DTWD2: variants seen among roughly 807,000 people sequenced by gnomAD.
The protein encoded by DTWD2 is tRNA-uridine aminocarboxypropyltransferase 2.
A neutral mutation model predicts 31.8 loss-of-function variants in DTWD2; 39 were observed. The observed-to-expected ratio is 1.22, with a 90% CI of 0.95 to 1.60. DTWD2 has a LOEUF of 1.60. DTWD2 is among the 40% of genes most tolerant of loss of function. The pLI, the probability that DTWD2 is intolerant of heterozygous loss-of-function variation, is 0.00. For missense variants in DTWD2, 515 were observed against 381.5 expected, an observed-to-expected ratio of 1.35 and a Z score of -2.92; for synonymous variants, 180 against 142.8, an observed-to-expected ratio of 1.26 and a Z score of -1.86.
chr5:118,901,185 AT>A (rs1351745008), intron 4 of DTWD2, among the ~76,000 whole-genome samples: 1 of 152,020 alleles, frequency 6.6e-6, no homozygotes, highest in Admixed American at 6.6e-5. Context: ...TTTTACCTGT[AT>A]TTTTTGGTAG....
chr5:118,852,553 A>C (rs1485645888), intron 4 of DTWD2, among the ~76,000 whole-genome samples: 1 of 152,200 alleles, frequency 6.6e-6, no homozygotes, highest in Non-Finnish European at 1.5e-5. Flanking sequence ...TATTATTAAA[A>C]AGTCAAAAAA....
At chr5:118,890,851 G>A (rs910251209) in intron 4 of DTWD2, among the ~76,000 whole-genome samples, 1 of 152,124 alleles carries the variant, frequency 6.6e-6, no homozygotes, top group Non-Finnish European at 1.5e-5. Flanking sequence ...TTACAGGCGT[G>A]GGCCACTGAA....
intron 4 of DTWD2, among the ~76,000 whole-genome samples, chr5:118,905,938 T>A (rs1345844028): frequency 1.3e-5 from 2 of 151,942 alleles, no homozygotes; most frequent in African/African-American, 4.8e-5. Flanking sequence ...GAAGACAGAC[T>A]AGGAGAAAAC....
chr5:118,838,641 A>C lies in DTWD2; in HGVS notation c.*2276T>G, dbSNP rs1194287318. ...TCACCTTGTTAAGAGGTCAGGAAAA[A>C]ATAAGTAAAAAACAAGTACAGTGAG... On this transcript the variant is annotated 3_prime_UTR_variant, in exon 6 of 6. Transcript: ENST00000510708. The C allele has an allele frequency of 6.6e-6, 1 of 152,162 alleles. No homozygotes were observed. The highest frequency in any genetic ancestry group is 6.5e-5 in the Admixed American group (1 of 15,280). The allele number at this position is 152,162 out of a possible 1,614,324, so 9.4% of individuals were successfully genotyped here.
intron 4 of DTWD2, among the ~76,000 whole-genome samples, chr5:118,863,813 A>G (rs1294162312): frequency 2.0e-5 from 3 of 152,118 alleles, no homozygotes; most frequent in African/African-American, 7.2e-5. Context: ...TTCCAAGTAT[A>G]TATAATAGTT....
At chr5:118,971,004 A>G (rs1754971790) in intron 1 of DTWD2, among the ~76,000 whole-genome samples, 1 of 152,228 alleles carries the variant, frequency 6.6e-6, no homozygotes, top group African/African-American at 2.4e-5. Context: ...TATGGAAAGG[A>G]AAAATCATTA....
Position 118,885,727 on chromosome 5 carries a change from T to C in DTWD2, c.598-37509A>G, listed in dbSNP as rs191093425. 6.6e-3 allele frequency among the ~76,000 whole-genome samples: 965 copies of C among 146,946 alleles called. 17 individuals carry two copies. The highest frequency in any genetic ancestry group is 0.023 in the African/African-American group (906 of 39,716). ...GTTATAGTGAGCCAAAATTGTGCCA[T>C]TGCACTCCAGCCTGGGCAAAAAGAG... On this transcript the variant is annotated intron_variant, in intron 4 of 5. Coordinates refer to ENST00000510708, the MANE Select transcript of DTWD2 (RefSeq NM_173666.4).
At chr5:118,915,367 T>C (rs1439160909) in intron 4 of DTWD2, among the ~76,000 whole-genome samples, 1 of 150,058 alleles carries the variant, frequency 6.7e-6, no homozygotes, top group Non-Finnish European at 1.5e-5. Context: ...TGTAAGCTAA[T>C]CTTTGAATTT....
At chr5:118,979,163 G>A (rs1284564802) in intron 1 of DTWD2, among the ~76,000 whole-genome samples, 2 of 152,064 alleles carry the variant, frequency 1.3e-5, no homozygotes, top group African/African-American at 4.8e-5. Context: ...AATTAGCCAG[G>A]CATGGTGGCG....
At chr5:118,948,066 CTT>C (rs1754379650) in intron 1 of DTWD2, among the ~76,000 whole-genome samples, 1 of 151,986 alleles carries the variant, frequency 6.6e-6, no homozygotes, top group African/African-American at 2.4e-5. Context: ...AGAAATCAAC[CTT>C]TTAGGTAAAA....
chr5:118,878,292 T>C (rs568243965), intron 4 of DTWD2, among the ~76,000 whole-genome samples: 1 of 152,284 alleles, frequency 6.6e-6, no homozygotes, highest in African/African-American at 2.4e-5. Flanking sequence ...CAAAACAGCA[T>C]GGTATTGGTA....
intron 4 of DTWD2, among the ~76,000 whole-genome samples, chr5:118,901,014 A>G (rs1482148245): frequency 6.6e-6 from 1 of 151,546 alleles, no homozygotes; most frequent in Non-Finnish European, 1.5e-5. Context: ...TATCAGAATA[A>G]TTATCACTAC....
chr5:118,953,494 CATG>C (rs1410464436), intron 1 of DTWD2, among the ~76,000 whole-genome samples: 1 of 152,168 alleles, frequency 6.6e-6, no homozygotes, highest in African/African-American at 2.4e-5. Context: ...ACCCTGGCAA[CATG>C]ATAACTATAT....
chr5:118,885,581 C>G lies in DTWD2; in HGVS notation c.598-37363G>C, dbSNP rs956236369. On this transcript the variant is annotated intron_variant, in intron 4 of 5. Coordinates refer to ENST00000510708, the MANE Select transcript of DTWD2 (RefSeq NM_173666.4). ...AGGAGTTTGAGACCAGCCTGGCCAA[C>G]AGGGCGAAATCTCGTCTCTACTAAA... Among the ~76,000 whole-genome samples, 11 of 150,530 alleles carry G rather than the reference C, an allele frequency of 7.3e-5. No individual in the cohort carries two copies. The East Asian group carries it at 2.1e-3, about 29-fold the overall frequency.
intron 1 of DTWD2, among the ~76,000 whole-genome samples, chr5:118,979,408 G>A (rs190650211): frequency 1.5e-4 from 23 of 152,206 alleles, no homozygotes; most frequent in South Asian, 2.1e-4. Flanking sequence ...ACTATTGGTG[G>A]AAGTGTAAAT....
chr5:118,893,191 A>G (rs1346850822), intron 4 of DTWD2, among the ~76,000 whole-genome samples: 3 of 152,048 alleles, frequency 2.0e-5, no homozygotes, highest in Admixed American at 6.6e-5. Flanking sequence ...CCTCGCCAAC[A>G]TGGTGAAACC....
intron 4 of DTWD2, among the ~76,000 whole-genome samples, chr5:118,870,329 A>C (rs539848949): frequency 6.6e-6 from 1 of 152,360 alleles, no homozygotes; most frequent in East Asian, 1.9e-4. Flanking sequence ...AGAATAGCTG[A>C]ATAAACTACT....
intron 1 of DTWD2, among the ~76,000 whole-genome samples, chr5:118,982,325 TA>T (rs1755319555): frequency 6.6e-6 from 1 of 152,108 alleles, no homozygotes; most frequent in African/African-American, 2.4e-5. Context: ...CTAGGGAAAA[TA>T]AATCAAACAC....
At chr5:118,937,972 T>TTTG (rs4012925) in intron 3 of DTWD2, among the ~76,000 whole-genome samples, 144,039 of 152,232 alleles carry the variant, frequency 0.95, 68,231 homozygotes, top group East Asian at 1. Context: ...AGGTGATAAA[T>TTTG]TTAATTAGCT....
Sources: gnomAD v4.1 joint callset for allele counts (sites outside exome capture counted in the v4.1 genomes callset) on GRCh38, gnomAD v4.1.1 for gene constraint, MANE v1.5 for transcripts, NCBI Gene and HGNC (gene_info 2026-07-23, HGNC 2026-07-21) for gene names.